Variants in ABHD2 observed in about 807,000 individuals in gnomAD.
ABHD2 encodes abhydrolase domain containing 2, acylglycerol lipase.
In ABHD2, 20 loss-of-function variants were observed where a neutral mutation model predicts 48.1. The ratio of observed to expected loss-of-function variants is 0.42; its 90% CI spans 0.29 to 0.60. The LOEUF is 0.60. ABHD2 is among the 20% of genes least tolerant of loss of function. The pLI, the probability that ABHD2 is intolerant of heterozygous loss-of-function variation, is 0.24. For synonymous variants in ABHD2, 209 were observed against 214.2 expected (o/e 0.98, Z 0.21); for missense variants, 405 against 550.9 (o/e 0.74, Z 2.65).
At position 89,174,361 on chromosome 15, in the gene ABHD2, A is replaced by G. The variant is rs2050976494; in HGVS notation, c.539-1451A>G. 6.6e-6 allele frequency among the ~76,000 whole-genome samples: 1 copy of G among 152,194 alleles called. No homozygotes were observed. Among genetic ancestry groups the G allele is most frequent in the Non-Finnish European group, 1.5e-5 (1 of 68,032 alleles). On this transcript the variant is annotated intron_variant, in intron 5 of 10. Transcript: ENST00000352732. This position sits in a 1 kb window ranked among gnomAD's most constrained non-coding sequence, Gnocchi z 4.1. The stretch of plus-strand genomic sequence containing the variant: ...CTACTCAAAAACAAAGTCACTATAG[A>G]TTCCTGGGCTTGGTCCCCATCTTAC...
At position 89,164,529 on chromosome 15, in the gene ABHD2, G is replaced by A. The variant is rs2150910009; in HGVS notation, c.538+8995G>A. Among the ~76,000 whole-genome samples the A allele has an allele frequency of 6.6e-6, 1 of 152,232 alleles. No homozygotes were observed. On this transcript the variant is annotated intron_variant, in intron 5 of 10. Transcript: ENST00000352732. This position sits in a 1 kb window ranked among gnomAD's most constrained non-coding sequence, Gnocchi z 5.0. ...AGTCCCAGCATGGTGGCTCACACCT[G>A]TAATCCCAGCACTTTGGGACGCCCA...
At chr15:89,052,222 G>T in the ABHD2 span, among the ~76,000 whole-genome samples, 1 of 152,150 alleles carries the variant, frequency 6.6e-6, no homozygotes, top group African/African-American at 2.4e-5. Context: ...CCTGCCCTAG[G>T]TCAAGGTCTT....
intron 1 of ABHD2, among the ~76,000 whole-genome samples, chr15:89,112,813 T>C (rs1022015886): frequency 6.6e-6 from 1 of 152,200 alleles, no homozygotes; most frequent in Non-Finnish European, 1.5e-5. Context: ...GGAGGATCTC[T>C]TGGGCCAGAT....
At chr15:89,095,645 C>T (rs1056164131) in intron 1 of ABHD2, among the ~76,000 whole-genome samples, 2 of 152,142 alleles carry the variant, frequency 1.3e-5, no homozygotes, top group Non-Finnish European at 2.9e-5. Flanking sequence ...GGTAATGGCC[C>T]AGATGGCTTC....
the ABHD2 span, among the ~76,000 whole-genome samples, chr15:89,059,608 C>A: frequency 1.3e-5 from 2 of 152,118 alleles, no homozygotes; most frequent in Non-Finnish European, 2.9e-5. Flanking sequence ...TAGGGATGGG[C>A]TTGAGAAGTA....
Position 89,185,539 on chromosome 15 carries a change from T to C in ABHD2, c.815+23T>C, listed in dbSNP as rs752814335. 6.2e-6 allele frequency: 10 copies of C among 1,601,876 alleles called. No homozygotes were observed. Among genetic ancestry groups the C allele is most frequent in the Non-Finnish European group, 8.6e-6 (10 of 1,169,036 alleles). On this transcript the variant is annotated intron_variant, in intron 7 of 10. Coordinates refer to ENST00000352732, the MANE Select transcript of ABHD2 (RefSeq NM_152924.5). The surrounding 1 kb of genome is among the most constrained non-coding windows in gnomAD (Gnocchi z 5.9). ...CAGGTAGGTCACCTTCCGTTCTCTC[T>C]CAGGAGACAGACAGTTCCTTCCTGA...
chr15:89,115,291 C>G (rs987697671), intron 2 of ABHD2, among the ~76,000 whole-genome samples: 1 of 151,592 alleles, frequency 6.6e-6, no homozygotes, highest in South Asian at 2.1e-4. Flanking sequence ...GTTTTTCTGC[C>G]GAGCAGCAAG....
intron 3 of ABHD2, among the ~76,000 whole-genome samples, chr15:89,123,378 T>A (rs1312939553): frequency 6.6e-6 from 1 of 152,210 alleles, no homozygotes; most frequent in Admixed American, 6.5e-5. Context: ...TCCAAACCTT[T>A]AGTTTCCTGC....
At chr15:89,053,105 T>C in the ABHD2 span, among the ~76,000 whole-genome samples, 1 of 151,986 alleles carries the variant, frequency 6.6e-6, no homozygotes, top group Admixed American at 6.6e-5. Context: ...TAGCTGGGAC[T>C]ACAGGCACGT....
intron 1 of ABHD2, among the ~76,000 whole-genome samples, chr15:89,110,375 T>C (rs2049854983): frequency 6.6e-6 from 1 of 152,208 alleles, no homozygotes. Context: ...TTGTCTTTTT[T>C]TTCAAAAATT....
At chr15:89,178,576 G>T (rs2283437) in intron 6 of ABHD2, among the ~76,000 whole-genome samples, 68,123 of 152,054 alleles carry the variant, frequency 0.45, 16,475 homozygotes, top group East Asian at 0.82. Flanking sequence ...AGCCAGAGCC[G>T]GTTGAAGGCT....
the ABHD2 span, among the ~76,000 whole-genome samples, chr15:89,057,422 TACACAGTGACC>T: frequency 1.3e-5 from 2 of 152,158 alleles, no homozygotes; most frequent in African/African-American, 4.8e-5. Context: ...GGGCAGGGGT[TACACAGTGACC>T]ACTGGGAAGT....
chr15:89,102,098 C>A lies in ABHD2; in HGVS notation c.-106-11627C>A, dbSNP rs2049710442. 6.6e-6 allele frequency among the ~76,000 whole-genome samples: 1 copy of A among 152,200 alleles called. No individual in the cohort carries two copies. Among genetic ancestry groups the A allele is most frequent in the Non-Finnish European group, 1.5e-5 (1 of 68,032 alleles). Reference sequence around the variant, plus strand: ...ACTGCCACTGCTCCAAAACACACCCCTCTTGTCCATCTGCCCATTTCCTGA... The same window carrying A: ...ACTGCCACTGCTCCAAAACACACCCATCTTGTCCATCTGCCCATTTCCTGA... On this transcript the variant is annotated intron_variant, in intron 1 of 10. Coordinates refer to ENST00000352732, the MANE Select transcript of ABHD2 (RefSeq NM_152924.5). The surrounding 1 kb of genome is among the most constrained non-coding windows in gnomAD (Gnocchi z 4.8).
chr15:89,156,184 G>A (rs145241158), intron 5 of ABHD2, among the ~76,000 whole-genome samples: 23 of 134,430 alleles, frequency 1.7e-4, no homozygotes, highest in East Asian at 1.0e-3. Flanking sequence ...GCAGTGGCAC[G>A]ATCCTGGCTC....
the ABHD2 span, among the ~76,000 whole-genome samples, chr15:89,047,072 G>A: frequency 4.2e-4 from 64 of 151,294 alleles, no homozygotes; most frequent in Non-Finnish European, 6.6e-4. Flanking sequence ...CTTTGAATGC[G>A]TCCCAGAGAT....
chr15:89,141,012 A>G (rs2050394109), intron 3 of ABHD2, among the ~76,000 whole-genome samples: 1 of 151,500 alleles, frequency 6.6e-6, no homozygotes, highest in Non-Finnish European at 1.5e-5. Flanking sequence ...TCTGTCACCC[A>G]TGCTGGAGTG....
intron 3 of ABHD2, among the ~76,000 whole-genome samples, chr15:89,122,872 G>A (rs768942707): frequency 6.6e-5 from 10 of 152,192 alleles, no homozygotes; most frequent in Non-Finnish European, 1.2e-4. Flanking sequence ...GTGTGATGGA[G>A]GACTTGGCTA....
At position 89,188,845 on chromosome 15, in the gene ABHD2, C is replaced by T. The variant is rs1156493789; in HGVS notation, c.926+542C>T. On this transcript the variant is annotated intron_variant, in intron 8 of 10. Coordinates refer to ENST00000352732, the MANE Select transcript of ABHD2 (RefSeq NM_152924.5). This position sits in a 1 kb window ranked among gnomAD's most constrained non-coding sequence, Gnocchi z 4.1. The stretch of plus-strand genomic sequence containing the variant: ...AGTGAGCCATGTTCATGCCATTGCA[C>T]TCCAGCCAGGGTGACACAGCAAGAC... Among the ~76,000 whole-genome samples, 1 of 150,200 alleles carries T rather than the reference C, an allele frequency of 6.7e-6. No individual in the cohort carries two copies. Among genetic ancestry groups the T allele is most frequent in the Non-Finnish European group, 1.5e-5 (1 of 67,768 alleles).
chr15:89,061,385 T>C, the ABHD2 span, among the ~76,000 whole-genome samples: 5 of 151,380 alleles, frequency 3.3e-5, no homozygotes, highest in Non-Finnish European at 7.4e-5. Context: ...ACCATTGCAC[T>C]CCAGCCTAAG....
Sources: gnomAD v4.1 joint callset for allele counts (sites outside exome capture counted in the v4.1 genomes callset) on GRCh38, gnomAD v4.1.1 for gene constraint, Gnocchi (gnomAD v3.1) non-coding constraint, MANE v1.5 for transcripts, NCBI Gene and HGNC (gene_info 2026-07-23, HGNC 2026-07-21) for gene names.